Variants in TASP1 observed in about 807,000 individuals in gnomAD.
TASP1 encodes threonine aspartase 1.
TASP1 carries 16 observed loss-of-function variants against 56.6 expected under a neutral mutation model. That is an observed-to-expected ratio of 0.28 (90% CI 0.19 to 0.43). The LOEUF is 0.43. Ranked by LOEUF, TASP1 falls within the 20% of genes least tolerant of loss-of-function variation. The pLI is 1.00. For missense variants in TASP1, 393 were observed against 511.6 expected (o/e 0.77, Z 2.24); for synonymous variants, 179 against 184.2 (o/e 0.97, Z 0.23).
At chr20:13,268,581 C>T in the TASP1 span, among the ~76,000 whole-genome samples, 4 of 152,126 alleles carry the variant, frequency 2.6e-5, no homozygotes, top group East Asian at 1.9e-4. Context: ...TGTGGAAAGG[C>T]GAGCAAAAAC....
the TASP1 span, among the ~76,000 whole-genome samples, chr20:13,273,114 A>G: frequency 6.6e-6 from 1 of 152,036 alleles, no homozygotes; most frequent in African/African-American, 2.4e-5. Context: ...TTGTGCTTGA[A>G]CCCAATTTCA....
At chr20:13,298,333 C>T in the TASP1 span, among the ~76,000 whole-genome samples, 1 of 152,120 alleles carries the variant, frequency 6.6e-6, no homozygotes, top group Non-Finnish European at 1.5e-5. Context: ...TCTTAAACTC[C>T]TGACCTCAGT....
chr20:13,158,530 A>G, the TASP1 span, among the ~76,000 whole-genome samples: 3 of 152,214 alleles, frequency 2.0e-5, no homozygotes, highest in East Asian at 5.8e-4. Flanking sequence ...TTTGTACTCT[A>G]GCAATAAAAG....
the TASP1 span, among the ~76,000 whole-genome samples, chr20:13,174,739 C>T: frequency 6.6e-6 from 1 of 151,622 alleles, no homozygotes; most frequent in Non-Finnish European, 1.5e-5. Flanking sequence ...AGATGAACTT[C>T]TTTCATTACG....
chr20:13,401,879 G>T (rs567994656), intron 13 of TASP1, among the ~76,000 whole-genome samples: 1 of 152,190 alleles, frequency 6.6e-6, no homozygotes. Context: ...TATCTAAAAT[G>T]TTGGGTACTA....
rs142369548 is a variant in TASP1, at chr20:13,515,480, A to G, written c.874+12953T>C. On this transcript the variant is annotated intron_variant, in intron 10 of 13. Transcript: ENST00000337743. ...GAGCTTGCGAAAATGTAGAATCCCAAGACTCATCCCAGACCCACTGGATCA... is the reference window on the plus strand; with the variant it reads ...GAGCTTGCGAAAATGTAGAATCCCAGGACTCATCCCAGACCCACTGGATCA... Among the ~76,000 whole-genome samples, 807 of 151,590 alleles carry G rather than the reference A, an allele frequency of 5.3e-3. 8 individuals carry two copies. Among genetic ancestry groups the G allele is most frequent in the Non-Finnish European group, 7.2e-3 (487 of 67,902 alleles).
At chr20:13,562,088 A>G (rs1295970128) in intron 7 of TASP1, among the ~76,000 whole-genome samples, 1 of 152,208 alleles carries the variant, frequency 6.6e-6, no homozygotes, top group African/African-American at 2.4e-5. Context: ...GTATTGTACA[A>G]TGTATCTTCT....
the TASP1 span, chr20:13,160,211 G>A: frequency 1.4e-6 from 2 of 1,462,610 alleles, no homozygotes; most frequent in Non-Finnish European, 9.1e-7. Context: ...AGACAGCTTG[G>A]GGTTCTCTGG....
At chr20:13,301,783 G>A in the TASP1 span, among the ~76,000 whole-genome samples, 3 of 152,186 alleles carry the variant, frequency 2.0e-5, no homozygotes, top group East Asian at 5.8e-4. Flanking sequence ...TTCAAGCAGA[G>A]GCTGGAGATT....
the TASP1 span, among the ~76,000 whole-genome samples, chr20:13,380,927 C>G: frequency 3.4e-3 from 511 of 152,262 alleles, 1 homozygote; most frequent in East Asian, 0.01. Context: ...GCCCCTCCCC[C>G]CTCCAAGCTC....
At chr20:13,128,155 C>T in the TASP1 span, among the ~76,000 whole-genome samples, 6 of 152,208 alleles carry the variant, frequency 3.9e-5, no homozygotes, top group Non-Finnish European at 8.8e-5. Context: ...AGACAAGTAT[C>T]AGTAAGCATT....
the TASP1 span, chr20:13,270,570 A>C: frequency 6.2e-7 from 1 of 1,613,974 alleles, no homozygotes; most frequent in Non-Finnish European, 8.5e-7. Flanking sequence ...AGAAGCACCA[A>C]GGGAGCATCT....
At chr20:13,392,371 GTTC>G (rs2041322729) in intron 13 of TASP1, among the ~76,000 whole-genome samples, 1 of 152,088 alleles carries the variant, frequency 6.6e-6, no homozygotes, top group African/African-American at 2.4e-5. Context: ...CAACTTAGAA[GTTC>G]TTCTTTTAGC....
chr20:13,550,676 T>C (rs1272552840), intron 8 of TASP1, among the ~76,000 whole-genome samples: 2 of 152,146 alleles, frequency 1.3e-5, no homozygotes, highest in Non-Finnish European at 2.9e-5. Context: ...AAAGTCAATT[T>C]CTAGAGAAGA....
At chr20:13,127,416 T>C in the TASP1 span, among the ~76,000 whole-genome samples, 1 of 152,210 alleles carries the variant, frequency 6.6e-6, no homozygotes, top group African/African-American at 2.4e-5. Flanking sequence ...TTTATGGAAG[T>C]AGCAATTTAT....
At chr20:13,155,792 C>T in the TASP1 span, among the ~76,000 whole-genome samples, 1 of 152,112 alleles carries the variant, frequency 6.6e-6, no homozygotes, top group African/African-American at 2.4e-5. Flanking sequence ...CACCACTGCA[C>T]TCTAGCCAGG....
chr20:13,334,627 T>G, the TASP1 span, among the ~76,000 whole-genome samples: 2 of 152,258 alleles, frequency 1.3e-5, no homozygotes, highest in Non-Finnish European at 2.9e-5. Flanking sequence ...AGAAATAGAC[T>G]GAAATTTACT....
intron 11 of TASP1, among the ~76,000 whole-genome samples, chr20:13,437,883 C>T (rs6042095): frequency 0.058 from 8,892 of 152,200 alleles, 365 homozygotes; most frequent in African/African-American, 0.12. Context: ...TGGAAGAACA[C>T]TCCACGCTCA....
chr20:13,298,836 C>T, the TASP1 span: 16 of 1,096,632 alleles, frequency 1.5e-5, 1 homozygote, highest in South Asian at 1.8e-4. Flanking sequence ...ACTTTAGTGT[C>T]CTCCTGCGGG....
Sources: allele counts gnomAD v4.1 joint callset (sites outside exome capture counted in the v4.1 genomes callset), GRCh38; gene constraint gnomAD v4.1.1; transcripts MANE v1.5; gene names NCBI Gene and HGNC (gene_info 2026-07-23, HGNC 2026-07-21).